The following KCNIP4 variants were observed in gnomAD, a reference collection of about 807,000 sequenced individuals.
KCNIP4 encodes potassium voltage-gated channel interacting protein 4.
KCNIP4 carries 12 observed loss-of-function variants against 34.0 expected under a neutral mutation model. The observed-to-expected ratio is 0.35, with a 90% CI of 0.23 to 0.57. The LOEUF is 0.57. Among genes scored for constraint, KCNIP4 ranks in the 20% least tolerant of loss-of-function variants. KCNIP4 has a pLI of 0.83. For synonymous variants in KCNIP4, 124 were observed against 102.2 expected (o/e 1.21, Z -1.29); for missense variants, 238 against 311.7 (o/e 0.76, Z 1.78).
intron 1 of KCNIP4, among the ~76,000 whole-genome samples, chr4:21,489,669 C>T (rs16871192): frequency 0.038 from 5,750 of 152,092 alleles, 325 homozygotes; most frequent in African/African-American, 0.12. Context: ...TTCTTTTCTG[C>T]AGACAGTTCC....
At chr4:20,964,262 C>G (rs1734127268) in intron 1 of KCNIP4, among the ~76,000 whole-genome samples, 1 of 152,166 alleles carries the variant, frequency 6.6e-6, no homozygotes, top group Non-Finnish European at 1.5e-5. Flanking sequence ...AACAAGAATT[C>G]AAACCCACAT....
At chr4:21,155,261 T>C (rs868182514) in intron 1 of KCNIP4, among the ~76,000 whole-genome samples, 1 of 152,198 alleles carries the variant, frequency 6.6e-6, no homozygotes, top group Non-Finnish European at 1.5e-5. Context: ...CTTTGTGTTT[T>C]CTATTATGTG....
intron 1 of KCNIP4, among the ~76,000 whole-genome samples, chr4:21,065,409 A>C (rs1453387147): frequency 1.3e-5 from 2 of 152,146 alleles, no homozygotes; most frequent in Non-Finnish European, 2.9e-5. Flanking sequence ...TTTCATATGC[A>C]TGACAAAGCC....
chr4:20,787,385 T>C (rs1008747040), intron 3 of KCNIP4, among the ~76,000 whole-genome samples: 1 of 152,174 alleles, frequency 6.6e-6, no homozygotes, highest in African/African-American at 2.4e-5. Flanking sequence ...GCTATATGAG[T>C]ATTAAATACT....
At chr4:21,423,047 T>C (rs569897763) in intron 1 of KCNIP4, among the ~76,000 whole-genome samples, 5 of 152,268 alleles carry the variant, frequency 3.3e-5, no homozygotes, top group South Asian at 2.1e-4. Flanking sequence ...CAGTTCAACA[T>C]AACCAGGGCC....
intron 1 of KCNIP4, among the ~76,000 whole-genome samples, chr4:21,513,709 TC>T: frequency 6.6e-6 from 1 of 152,372 alleles, no homozygotes; most frequent in East Asian, 1.9e-4. Flanking sequence ...TTTTTTCTCA[TC>T]TTCCTCTTAA....
chr4:21,140,752 C>T (rs1438239153), intron 1 of KCNIP4, among the ~76,000 whole-genome samples: 1 of 152,144 alleles, frequency 6.6e-6, no homozygotes, highest in Non-Finnish European at 1.5e-5. Flanking sequence ...ACTCTAGTCC[C>T]TGCCCCCTCC....
At chr4:21,433,581 A>T (rs1267904344) in intron 1 of KCNIP4, among the ~76,000 whole-genome samples, 1 of 152,200 alleles carries the variant, frequency 6.6e-6, no homozygotes. Context: ...GAGAATAAAT[A>T]CTCATTGTAG....
intron 1 of KCNIP4, among the ~76,000 whole-genome samples, chr4:21,932,930 G>T (rs1729650797): frequency 1.3e-5 from 2 of 151,648 alleles, no homozygotes; most frequent in Non-Finnish European, 1.5e-5. Flanking sequence ...ACAGATAGGG[G>T]TCCATGATCA....
At chr4:21,563,571 C>A (rs189626277) in intron 1 of KCNIP4, among the ~76,000 whole-genome samples, 1 of 152,212 alleles carries the variant, frequency 6.6e-6, no homozygotes, top group Admixed American at 6.5e-5. Context: ...CTGTTCATCA[C>A]TTACCAATCT....
chr4:21,119,765 A>G (rs750646360), intron 1 of KCNIP4, among the ~76,000 whole-genome samples: 2 of 152,034 alleles, frequency 1.3e-5, no homozygotes, highest in Non-Finnish European at 2.9e-5. Context: ...CAGAATGAGC[A>G]CAAAGTAATT....
intron 1 of KCNIP4, among the ~76,000 whole-genome samples, chr4:20,906,769 A>G (rs1443398574): frequency 6.6e-6 from 1 of 152,134 alleles, no homozygotes; most frequent in East Asian, 1.9e-4. Context: ...CTTCCATTCC[A>G]GCTTTAGACC....
At chr4:21,129,799 C>T (rs995317219) in intron 1 of KCNIP4, among the ~76,000 whole-genome samples, 2 of 151,596 alleles carry the variant, frequency 1.3e-5, no homozygotes, top group South Asian at 2.1e-4. Context: ...GCTAAGTTTG[C>T]TATTTAAAAT....
intron 1 of KCNIP4, among the ~76,000 whole-genome samples, chr4:21,918,343 T>C (rs1052748845): frequency 1.3e-5 from 2 of 152,134 alleles, no homozygotes; most frequent in Admixed American, 1.3e-4. Context: ...GCGGGAGATA[T>C]AGGAAAACTG....
intron 1 of KCNIP4, among the ~76,000 whole-genome samples, chr4:21,817,144 C>G (rs1722036109): frequency 6.6e-6 from 1 of 152,094 alleles, no homozygotes; most frequent in Admixed American, 6.6e-5. Context: ...TCCTTCAAGA[C>G]CCAGAACTGT....
chr4:21,127,832 C>T (rs1163104668), intron 1 of KCNIP4, among the ~76,000 whole-genome samples: 1 of 152,188 alleles, frequency 6.6e-6, no homozygotes, highest in Non-Finnish European at 1.5e-5. Context: ...CTTAATCAAT[C>T]ACTTTTTGCT....
At chr4:20,936,897 C>T (rs544866903) in intron 1 of KCNIP4, among the ~76,000 whole-genome samples, 4 of 152,246 alleles carry the variant, frequency 2.6e-5, no homozygotes, top group South Asian at 2.1e-4. Context: ...AGTTACTCTG[C>T]GCATCTGCCC....
intron 1 of KCNIP4, among the ~76,000 whole-genome samples, chr4:21,071,556 T>C (rs1744922458): frequency 6.6e-6 from 1 of 152,218 alleles, no homozygotes; most frequent in African/African-American, 2.4e-5. Flanking sequence ...TTAGCTATTG[T>C]AGTATACTTG....
intron 1 of KCNIP4, chr4:21,303,744 A>C (rs1292640312): frequency 2.2e-6 from 3 of 1,340,244 alleles, no homozygotes; most frequent in Non-Finnish European, 3.2e-6. Flanking sequence ...TCTTACATTC[A>C]CCTAAGACAT....
Sources: allele counts gnomAD v4.1 joint callset (sites outside exome capture counted in the v4.1 genomes callset), GRCh38; gene constraint gnomAD v4.1.1; transcripts MANE v1.5; gene names NCBI Gene and HGNC (gene_info 2026-07-23, HGNC 2026-07-21).